The following STOX2 variants were observed in gnomAD, a reference collection of about 807,000 sequenced individuals.
The protein encoded by STOX2 is storkhead box 2, also known as storkhead-box protein 2.
STOX2 carries 28 observed loss-of-function variants against 60.9 expected under a neutral mutation model. The ratio of observed to expected loss-of-function variants is 0.46; its 90% CI spans 0.34 to 0.63. The LOEUF (loss-of-function observed/expected upper bound fraction) is 0.63, where lower values mean the gene tolerates loss of function less well. STOX2 is among the 30% of genes least tolerant of loss of function. The pLI is 0.01. For synonymous variants in STOX2, 472 were observed against 463.9 expected (o/e 1.02, Z -0.22); for missense variants, 1,024 against 1,187.7 (o/e 0.86, Z 2.03).
chr4:183,928,142 A>G (rs1742298958), intron 1 of STOX2, among the ~76,000 whole-genome samples: 1 of 152,120 alleles, frequency 6.6e-6, no homozygotes, highest in Non-Finnish European at 1.5e-5. Flanking sequence ...TTTTTTCCCA[A>G]CAGATTGGTG....
At chr4:184,012,863 C>T (rs562886654) in intron 3 of STOX2, among the ~76,000 whole-genome samples, 1 of 152,300 alleles carries the variant, frequency 6.6e-6, no homozygotes, top group Admixed American at 6.5e-5. Context: ...ATATTATTTT[C>T]TGATTTATTT....
chr4:183,810,980 G>A (rs140788182), intron 1 of STOX2, among the ~76,000 whole-genome samples: 25 of 152,180 alleles, frequency 1.6e-4, no homozygotes, highest in African/African-American at 5.1e-4. Context: ...CAGACAGCAC[G>A]TCGGGGGTGG....
At chr4:183,923,763 G>T (rs1742165068) in intron 1 of STOX2, among the ~76,000 whole-genome samples, 1 of 152,162 alleles carries the variant, frequency 6.6e-6, no homozygotes, top group African/African-American at 2.4e-5. Context: ...GGGGTGAGCT[G>T]CAGAAAGTGA....
At chr4:183,854,951 G>C (rs1245964894) in intron 1 of STOX2, among the ~76,000 whole-genome samples, 1 of 152,138 alleles carries the variant, frequency 6.6e-6, no homozygotes, top group Non-Finnish European at 1.5e-5. Flanking sequence ...ACTTAGACTA[G>C]TGTCCCGAAT....
chr4:184,001,021 A>C lies in STOX2; in HGVS notation c.167-304A>C, dbSNP rs1733571142. Among the ~76,000 whole-genome samples, 2 of 152,264 alleles carry C rather than the reference A, an allele frequency of 1.3e-5. No homozygotes were observed. Among genetic ancestry groups the C allele is most frequent in the African/African-American group, 4.8e-5 (2 of 41,474 alleles). ...AAATAAATCAGCTCCAAGTTAATAA[A>C]AACGGAAATAAAAGCCTGTTGTTGC... On this transcript the variant is annotated intron_variant, in intron 1 of 3. Transcript: ENST00000308497. The surrounding 1 kb of genome is among the most constrained non-coding windows in gnomAD (Gnocchi z 4.2).
chr4:183,890,311 C>A lies in STOX2; in HGVS notation c.364+92256C>A, dbSNP rs141389055. On this transcript the variant is annotated intron_variant, in intron 1 of 2. Coordinates refer to the STOX2 transcript ENST00000513034. ...CATCCTGGCCAACATGGTGAAATCC[C>A]GTCTCTACTAAAAATACAAAAATTA... Among the ~76,000 whole-genome samples the A allele has an allele frequency of 4.1e-3, 617 of 152,042 alleles. 3 individuals are homozygous for A. Among genetic ancestry groups the A allele is most frequent in the African/African-American group, 0.014 (586 of 41,474 alleles).
intron 2 of STOX2, among the ~76,000 whole-genome samples, chr4:184,004,519 G>T (rs1421471138): frequency 1.3e-5 from 2 of 152,152 alleles, no homozygotes; most frequent in African/African-American, 4.8e-5. Context: ...AGAATGGCGT[G>T]AACCCGGGAG....
chr4:183,802,767 G>A (rs1255235308), intron 1 of STOX2, among the ~76,000 whole-genome samples: 1 of 152,040 alleles, frequency 6.6e-6, no homozygotes, highest in Admixed American at 6.6e-5. Flanking sequence ...GACTACAGGC[G>A]CCTGCCAACA....
At chr4:183,961,218 G>A (rs1275601815) in intron 1 of STOX2, among the ~76,000 whole-genome samples, 1 of 152,172 alleles carries the variant, frequency 6.6e-6, no homozygotes, top group Non-Finnish European at 1.5e-5. Flanking sequence ...GGAAGCATGT[G>A]AGCAAGCTTT....
intron 1 of STOX2, among the ~76,000 whole-genome samples, chr4:183,972,121 G>A (rs547282685): frequency 2.0e-5 from 3 of 152,318 alleles, no homozygotes; most frequent in Admixed American, 2.0e-4. Context: ...AGCCAGTCCT[G>A]CACAGCGGCG....
chr4:183,834,618 C>A (rs554594989), intron 1 of STOX2, among the ~76,000 whole-genome samples: 2 of 152,122 alleles, frequency 1.3e-5, no homozygotes, highest in African/African-American at 4.8e-5. Context: ...CCCCAGTTGT[C>A]GCTCAGAATA....
chr4:183,961,124 A>C (rs905804879), intron 1 of STOX2, among the ~76,000 whole-genome samples: 3 of 152,108 alleles, frequency 2.0e-5, no homozygotes, highest in African/African-American at 4.8e-5. Context: ...AGGTTAAGGC[A>C]GTGTCTCCAA....
At chr4:183,886,810 C>A (rs2111178268) in intron 1 of STOX2, among the ~76,000 whole-genome samples, 1 of 152,086 alleles carries the variant, frequency 6.6e-6, no homozygotes, top group South Asian at 2.1e-4. Context: ...TAAAAACAAC[C>A]CCACTCTGCC....
chr4:183,799,108 G>A (rs1738701813), intron 1 of STOX2, among the ~76,000 whole-genome samples: 2 of 152,168 alleles, frequency 1.3e-5, no homozygotes, highest in African/African-American at 4.8e-5. Flanking sequence ...GCTGTTACCT[G>A]CTGATGTGAC....
At chr4:183,963,778 CTTT>C (rs374409401) in intron 1 of STOX2, among the ~76,000 whole-genome samples, 19 of 112,100 alleles carry the variant, frequency 1.7e-4, no homozygotes, top group Non-Finnish European at 3.3e-4. Context: ...TACTGGCTTT[CTTT>C]TTTTTTTTTT....
upstream of STOX2, among the ~76,000 whole-genome samples, chr4:183,901,209 A>G (rs72998710): frequency 0.019 from 2,850 of 152,284 alleles, 97 homozygotes; most frequent in African/African-American, 0.066. Context: ...TTCTGTTTTC[A>G]AGGTTCATCC....
At chr4:183,934,921 C>T (rs1482465400) in intron 1 of STOX2, among the ~76,000 whole-genome samples, 2 of 152,256 alleles carry the variant, frequency 1.3e-5, no homozygotes, top group Non-Finnish European at 1.5e-5. Flanking sequence ...AACGCACAAG[C>T]AGGCTGACTC....
At chr4:183,915,920 C>T (rs185467796) in intron 1 of STOX2, among the ~76,000 whole-genome samples, 18 of 152,346 alleles carry the variant, frequency 1.2e-4, no homozygotes, top group African/African-American at 3.6e-4. Flanking sequence ...GTGCTAGTTC[C>T]AGCGGCCACA....
intron 1 of STOX2, among the ~76,000 whole-genome samples, chr4:183,952,781 C>T (rs903069526): frequency 6.6e-6 from 1 of 152,122 alleles, no homozygotes; most frequent in African/African-American, 2.4e-5. Flanking sequence ...CCTTAGGGTC[C>T]TACATATGCT....
Sources: allele counts gnomAD v4.1 joint callset (sites outside exome capture counted in the v4.1 genomes callset), GRCh38; gene constraint gnomAD v4.1.1; non-coding constraint Gnocchi (gnomAD v3.1); transcripts MANE v1.5; gene names NCBI Gene and HGNC (gene_info 2026-07-23, HGNC 2026-07-21).